NEDD4L: variants seen among roughly 807,000 people sequenced by gnomAD.
NEDD4L encodes the protein E3 ubiquitin-protein ligase NEDD4-like.
NEDD4L carries 54 observed loss-of-function variants against 148.9 expected under a neutral mutation model. That is an observed-to-expected ratio of 0.36 (90% CI 0.29 to 0.45). The LOEUF is 0.45. NEDD4L is among the 20% of genes least tolerant of loss of function. The pLI is 1.00. For synonymous variants in NEDD4L, 433 were observed against 440.7 expected (o/e 0.98, Z 0.22); for missense variants, 856 against 1,233.8 (o/e 0.69, Z 4.59).
intron 16 of NEDD4L, among the ~76,000 whole-genome samples, chr18:58,348,926 TAATC>T (rs566340791): frequency 4.7e-4 from 72 of 152,216 alleles, no homozygotes; most frequent in Non-Finnish European, 9.0e-4. Context: ...AATGAGAACT[TAATC>T]TGCAGAACTT....
chr18:58,144,244 T>C (rs999685572), intron 1 of NEDD4L, among the ~76,000 whole-genome samples: 11 of 152,106 alleles, frequency 7.2e-5, no homozygotes, highest in Non-Finnish European at 1.6e-4. Flanking sequence ...CTGTACTGGA[T>C]GATACAGGAT....
chr18:58,324,963 C>A (rs1040915191), intron 8 of NEDD4L, 33 bp from the exon 9 acceptor site: 1 of 1,592,724 alleles, frequency 6.3e-7, no homozygotes. Flanking sequence ...GAAGAACCAA[C>A]CTCATAATCG....
chr18:58,340,966 T>C (rs2042342326), intron 13 of NEDD4L, 72 bp from the exon 14 acceptor site: 2 of 1,444,628 alleles, frequency 1.4e-6, no homozygotes, highest in Non-Finnish European at 1.9e-6. Context: ...TATCTGGGTG[T>C]ACCTTACTTT....
chr18:58,314,799 A>G (rs545999588), intron 5 of NEDD4L, among the ~76,000 whole-genome samples: 4 of 152,386 alleles, frequency 2.6e-5, no homozygotes, highest in Admixed American at 2.6e-4. Context: ...TAGAGGAGAC[A>G]GATGGCTTTC....
At chr18:58,067,026 TA>T (rs1034819711) in intron 1 of NEDD4L, among the ~76,000 whole-genome samples, 7 of 152,024 alleles carry the variant, frequency 4.6e-5, no homozygotes, top group African/African-American at 1.4e-4. Context: ...TTTGTCATTT[TA>T]AAAAAAAATT....
intron 5 of NEDD4L, among the ~76,000 whole-genome samples, chr18:58,267,547 C>T (rs1308847218): frequency 6.6e-6 from 1 of 152,096 alleles, no homozygotes; most frequent in East Asian, 1.9e-4. Context: ...CTGTTTCCCT[C>T]CACACCCTTT....
At chr18:58,048,133 A>G (rs965683329) in intron 1 of NEDD4L, among the ~76,000 whole-genome samples, 29 of 152,350 alleles carry the variant, frequency 1.9e-4, no homozygotes, top group African/African-American at 7.0e-4. Context: ...AATGGTAAAA[A>G]TCCGGCTTAA....
intron 1 of NEDD4L, among the ~76,000 whole-genome samples, chr18:58,147,021 C>T (rs10515976): frequency 0.32 from 48,860 of 151,958 alleles, 8,121 homozygotes; most frequent in African/African-American, 0.35. Flanking sequence ...GTAAAGGTGT[C>T]GGGCCCAGGA....
chr18:58,161,355 C>A (rs371172659), intron 1 of NEDD4L, among the ~76,000 whole-genome samples: 1 of 151,992 alleles, frequency 6.6e-6, no homozygotes, highest in African/African-American at 2.4e-5. Flanking sequence ...ATGACAAAAT[C>A]AAGCCTGGAT....
At chr18:58,300,631 G>A (rs2149247253) in intron 5 of NEDD4L, among the ~76,000 whole-genome samples, 1 of 152,358 alleles carries the variant, frequency 6.6e-6, no homozygotes, top group Middle Eastern at 3.4e-3. Flanking sequence ...AATGAGAGCA[G>A]AGAAACTCTG....
chr18:58,182,235 A>G (rs1349032770), intron 2 of NEDD4L, among the ~76,000 whole-genome samples: 1 of 152,148 alleles, frequency 6.6e-6, no homozygotes, highest in Non-Finnish European at 1.5e-5. Context: ...ACACCCACAG[A>G]GGAAAATGCG....
intron 2 of NEDD4L, among the ~76,000 whole-genome samples, chr18:58,180,414 G>A (rs528817225): frequency 6.6e-5 from 10 of 152,262 alleles, no homozygotes; most frequent in East Asian, 1.9e-4. Flanking sequence ...CTTCAGCGCC[G>A]CAAGGGCCAG....
chr18:58,303,593 ACT>A (rs1180442064), intron 5 of NEDD4L, among the ~76,000 whole-genome samples: 2 of 152,020 alleles, frequency 1.3e-5, no homozygotes, highest in Non-Finnish European at 2.9e-5. Context: ...ACTATGTCAC[ACT>A]CTCTGTTTTA....
chr18:58,244,698 T>C (rs1305593637), intron 2 of NEDD4L, among the ~76,000 whole-genome samples: 1 of 152,160 alleles, frequency 6.6e-6, no homozygotes, highest in Non-Finnish European at 1.5e-5. Flanking sequence ...TGTCTTTTTT[T>C]TGGGGGGAGG....
chr18:58,245,469 T>C lies in NEDD4L; in HGVS notation c.165T>C (p.Asn55=). 6.3e-7 allele frequency: 1 copy of C among 1,587,470 alleles called. No individual in the cohort carries two copies. Among genetic ancestry groups the C allele is most frequent in the Non-Finnish European group, 8.6e-7 (1 of 1,161,738 alleles). ...TTTCATTGTACGTAGCGGATGAGAATAGAGAACTTGCTTTGGTCCAGACAA... is the reference window on the plus strand; with the variant it reads ...TTTCATTGTACGTAGCGGATGAGAACAGAGAACTTGCTTTGGTCCAGACAA... The part of the protein sequence containing the change: ...VKLSLYVADE[N]RELALVQTKT... The change falls in exon 3 of 31, where the codon AAT becomes AAC. Residue 55 remains asparagine, a synonymous_variant. Transcript: ENST00000400345.
At chr18:58,265,913 G>C (rs1350950908) in intron 5 of NEDD4L, among the ~76,000 whole-genome samples, 1 of 151,662 alleles carries the variant, frequency 6.6e-6, no homozygotes, top group Non-Finnish European at 1.5e-5. Context: ...ATATATACAG[G>C]GGAGAATTTA....
intron 1 of NEDD4L, among the ~76,000 whole-genome samples, chr18:58,143,499 C>G (rs2146185891): frequency 6.6e-6 from 1 of 152,354 alleles, no homozygotes; most frequent in Middle Eastern, 3.4e-3. Flanking sequence ...CTGGGACAAG[C>G]TATAAAGCTC....
intron 1 of NEDD4L, among the ~76,000 whole-genome samples, chr18:58,159,890 A>C (rs1020344798): frequency 1.3e-5 from 2 of 152,200 alleles, no homozygotes; most frequent in African/African-American, 4.8e-5. Flanking sequence ...AAAACAGTGG[A>C]AGTCCCTGAC....
At chr18:58,360,673 A>G (rs552085762) in intron 19 of NEDD4L, among the ~76,000 whole-genome samples, 78 of 152,140 alleles carry the variant, frequency 5.1e-4, no homozygotes, top group African/African-American at 1.8e-3. Flanking sequence ...TCCTAGGATC[A>G]TTAAATCTCC....
Sources: allele counts gnomAD v4.1 joint callset (sites outside exome capture counted in the v4.1 genomes callset), GRCh38; gene constraint gnomAD v4.1.1; transcripts MANE v1.5; gene names NCBI Gene and HGNC (gene_info 2026-07-23, HGNC 2026-07-21).